DLEC1: variants seen among roughly 807,000 people sequenced by gnomAD.
DLEC1 encodes the protein DLEC1 cilia and flagella associated protein.
In DLEC1, 146 loss-of-function variants were observed where a neutral mutation model predicts 198.1. That is an observed-to-expected ratio of 0.74 (90% confidence interval 0.64 to 0.85). The LOEUF (loss-of-function observed/expected upper bound fraction) is 0.85, where lower values mean the gene tolerates loss of function less well. Ranked by LOEUF, DLEC1 falls within the 40% of genes least tolerant of loss-of-function variation. The pLI is 0.00. For missense variants in DLEC1, 2,233 were observed against 2,220.0 expected (o/e 1.01, Z -0.12); for synonymous variants, 897 against 866.8 (o/e 1.03, Z -0.61).
intron 2 of DLEC1, among the ~76,000 whole-genome samples, chr3:38,046,601 A>T (rs1251599568): frequency 1.3e-5 from 2 of 152,172 alleles, no homozygotes; most frequent in East Asian, 3.8e-4. Context: ...GTATTTATTC[A>T]TAGCAGTATG....
At chr3:38,061,567 A>G (rs1353607341) in intron 3 of DLEC1, among the ~76,000 whole-genome samples, 1 of 152,196 alleles carries the variant, frequency 6.6e-6, no homozygotes, top group Non-Finnish European at 1.5e-5. Context: ...ATGCTCATGT[A>G]TGGGGTATGT....
intron 3 of DLEC1, among the ~76,000 whole-genome samples, chr3:38,060,334 G>A (rs1355364474): frequency 6.6e-6 from 1 of 152,206 alleles, no homozygotes; most frequent in Non-Finnish European, 1.5e-5. Context: ...CTGTGATATG[G>A]GAGGCAAGAT....
At position 38,116,931 on chromosome 3, in the gene DLEC1, C is replaced by T. The variant is rs765579385; in HGVS notation, c.4179+42C>T. On this transcript the variant is annotated intron_variant, in intron 29 of 36. Transcript: ENST00000308059. ...GCTGGGAGCTGTCTGCATTGGCCGG[C>T]CAGTGGGCATGGGACAGTGCTAAGG... The T allele has an allele frequency of 2.5e-6, 4 of 1,612,024 alleles. No individual in the cohort carries two copies. The South Asian group carries it at 4.4e-5, about 18-fold the overall frequency.
Position 38,116,541 on chromosome 3 carries a change from G to A in DLEC1, c.3945G>A (p.Pro1315=), listed in dbSNP as rs189662152. Residue 1315 remains proline (P), a synonymous_variant, in exon 28 of 37, where the codon CCG becomes CCA. Transcript: ENST00000308059. ...TGGTGTTTTATGGGCCACCTTTCCCGCTGCGGGACCAAGCCGGGAATGAGC... is the reference window on the plus strand; with the variant it reads ...TGGTGTTTTATGGGCCACCTTTCCCACTGCGGGACCAAGCCGGGAATGAGC... ...ELLVFYGPPF[P]LRDQAGNELV... 2.4e-4 allele frequency: 395 copies of A among 1,614,124 alleles called. 1 individual carries two copies. Among genetic ancestry groups the A allele is most frequent in the Admixed American group, 6.5e-4 (39 of 60,016 alleles).
chr3:38,074,413 C>T (rs1174706123), intron 6 of DLEC1, among the ~76,000 whole-genome samples: 5 of 152,210 alleles, frequency 3.3e-5, no homozygotes, highest in Admixed American at 1.3e-4. Flanking sequence ...GAGAATAAGG[C>T]GGCCTTCTGG....
intron 9 of DLEC1, 110 bp from the exon 10 acceptor site, chr3:38,088,186 T>C: frequency 1.1e-6 from 1 of 944,930 alleles, no homozygotes; most frequent in South Asian, 1.5e-5. Context: ...TGGATGATCC[T>C]TAAGTTCCTT....
intron 10 of DLEC1, 50 bp from the exon 11 acceptor site, chr3:38,092,740 G>T: frequency 1.3e-6 from 2 of 1,541,078 alleles, no homozygotes; most frequent in South Asian, 2.2e-5. Flanking sequence ...AGGCGGGGAG[G>T]GTGGAAGCCC....
intron 34 of DLEC1, 126 bp downstream of exon 34, chr3:38,120,735 G>C (rs919517966): frequency 7.5e-7 from 1 of 1,334,862 alleles, no homozygotes; most frequent in Non-Finnish European, 1.0e-6. Context: ...CCTGTCCTGG[G>C]GCTCAGTCTC....
intron 5 of DLEC1, 122 bp from the exon 6 acceptor site, chr3:38,063,719 T>C (rs1696822957): frequency 2.8e-6 from 2 of 705,978 alleles, no homozygotes; most frequent in Admixed American, 2.4e-5. Context: ...CAACAAATGG[T>C]ATATTGTGAA....
intron 16 of DLEC1, 64 bp from the exon 17 acceptor site, chr3:38,097,443 C>T: frequency 1.2e-6 from 2 of 1,601,556 alleles, no homozygotes; most frequent in Non-Finnish European, 1.7e-6. Context: ...ATGTCTGGGC[C>T]CAATCATAGG....
chr3:38,111,735 C>G lies in DLEC1; in HGVS notation c.3502C>G (p.Arg1168Gly). Residue 1168 changes from arginine to glycine, a missense_variant, in exon 24 of 37, where the codon CGA (arginine) becomes GGA (glycine). Coordinates refer to ENST00000308059, the MANE Select transcript of DLEC1 (RefSeq NM_007335.4). ...TVRMQEHLAK[R>G]EQLDFMESML... ...GCGGATGCAAGAGCACCTGGCCAAG[C>G]GAGAGCAGCTGGGTAAGCGCCACCA... 3 of 1,612,262 alleles carry G rather than the reference C, an allele frequency of 1.9e-6. No homozygotes were observed. Among genetic ancestry groups the G allele is most frequent in the Non-Finnish European group, 2.5e-6 (3 of 1,179,726 alleles).
chr3:38,054,166 C>G (rs371122633), intron 2 of DLEC1, among the ~76,000 whole-genome samples: 28 of 151,854 alleles, frequency 1.8e-4, no homozygotes, highest in Non-Finnish European at 1.9e-4. Flanking sequence ...TCCCCCTCTC[C>G]GAGAAACACC....
chr3:38,097,614 T>G lies in DLEC1; in HGVS notation c.2542T>G (p.Leu848Val). ...EIEDSPSPVV[L>V]HIEAVFKGPA... ...CGAAGACTCGCCCTCGCCAGTGGTG[T>G]TACACATTGAGGCTGTCTTTAAGGT... The change falls in exon 17 of 37, where the codon TTA (leucine) becomes GTA (valine). Residue 848 changes from leucine (L) to valine (V), a missense_variant. Physicochemically the swap from Leu to Val is conservative, Grantham distance 32 (BLOSUM62 1). Transcript: ENST00000308059. The G allele has an allele frequency of 6.2e-7, 1 of 1,614,184 alleles. No homozygotes were observed. The highest frequency in any genetic ancestry group is 8.5e-7 in the Non-Finnish European group (1 of 1,180,022).
intron 2 of DLEC1, chr3:38,052,202 T>C (rs1407869335): frequency 6.7e-6 from 3 of 449,782 alleles, no homozygotes; most frequent in Non-Finnish European, 1.3e-5. Flanking sequence ...ATTTCATCCA[T>C]ACCCAATGTA....
chr3:38,110,030 A>T (rs760492566), intron 22 of DLEC1, 69 bp from the exon 23 acceptor site: 10 of 1,558,166 alleles, frequency 6.4e-6, no homozygotes, highest in Non-Finnish European at 8.7e-6. Flanking sequence ...CCCACCCAAG[A>T]TGGCTCCCTG....
In DLEC1 at chr3:38,069,021, A is replaced by G. The variant is rs192929977; in HGVS notation, c.1173+5102A>G. Among the ~76,000 whole-genome samples, 49 of 152,268 alleles carry G rather than the reference A, an allele frequency of 3.2e-4. 1 individual carries two copies. In the East Asian group the frequency reaches 8.3e-3, roughly 26 times the overall value. ...GGGAATATCCATATCCTCCATCTAT[A>G]ATTAATACCTAAAACTGAACAAAAG... On this transcript the variant is annotated intron_variant, in intron 6 of 36. Coordinates refer to ENST00000308059, the MANE Select transcript of DLEC1 (RefSeq NM_007335.4).
intron 2 of DLEC1, among the ~76,000 whole-genome samples, chr3:38,055,810 C>A (rs1400533473): frequency 6.6e-6 from 1 of 152,088 alleles, no homozygotes; most frequent in Admixed American, 6.5e-5. Flanking sequence ...CACCACACAG[C>A]AAATAAGCTC....
intron 13 of DLEC1, chr3:38,095,454 C>T (rs1484760214): frequency 6.5e-6 from 2 of 306,466 alleles, no homozygotes; most frequent in Admixed American, 4.5e-5. Context: ...TGGAGGGAAG[C>T]CCTGTGGGCC....
Position 38,112,438 on chromosome 3 carries a change from C to T in DLEC1, c.3666+77C>T. 1 of 1,578,204 alleles carries T rather than the reference C, an allele frequency of 6.3e-7. No individual in the cohort carries two copies. The highest frequency in any genetic ancestry group is 2.1e-4 in the Middle Eastern group (1 of 4,766). ...CCTCGCCTTCAGCCTCTCTCCCCTCCAACACCTGGCCCTCAGACTCTCAAA... is the reference window on the plus strand; with the variant it reads ...CCTCGCCTTCAGCCTCTCTCCCCTCTAACACCTGGCCCTCAGACTCTCAAA... On this transcript the variant is annotated intron_variant, in intron 25 of 36. Transcript: ENST00000308059. The surrounding 1 kb of genome is among the most constrained non-coding windows in gnomAD (Gnocchi z 4.8).
Sources: gnomAD v4.1 joint callset for allele counts (sites outside exome capture counted in the v4.1 genomes callset) on GRCh38, gnomAD v4.1.1 for gene constraint, Gnocchi (gnomAD v3.1) non-coding constraint, MANE v1.5 for transcripts, NCBI Gene and HGNC (gene_info 2026-07-23, HGNC 2026-07-21) for gene names.